The following TBC1D5 variants were observed in gnomAD, a reference collection of about 807,000 sequenced individuals.
TBC1D5 encodes the protein TBC1 domain family member 5, also known as TBC1 domain family, member 5.
A neutral mutation model predicts 100.3 loss-of-function variants in TBC1D5; 75 were observed. That is an observed-to-expected ratio of 0.75 (90% CI 0.62 to 0.91). The LOEUF (loss-of-function observed/expected upper bound fraction) is 0.91. Ranked by LOEUF, TBC1D5 falls within the 40% of genes least tolerant of loss-of-function variation. TBC1D5 has a pLI of 0.00. For synonymous variants in TBC1D5, 323 were observed against 325.6 expected (o/e 0.99, Z 0.09); for missense variants, 910 against 942.4 (o/e 0.97, Z 0.45).
chr3:17,717,901 C>G (rs911237503), intron 1 of TBC1D5, among the ~76,000 whole-genome samples: 4 of 152,112 alleles, frequency 2.6e-5, no homozygotes, highest in Non-Finnish European at 4.4e-5. Context: ...TTTTTTTATG[C>G]TGACAGCAGC....
At chr3:17,352,050 G>A (rs1360207148) in intron 13 of TBC1D5, among the ~76,000 whole-genome samples, 1 of 149,154 alleles carries the variant, frequency 6.7e-6, no homozygotes, top group Middle Eastern at 3.6e-3. Flanking sequence ...GACATACAGA[G>A]AAGCAGCCAC....
At chr3:17,344,353 T>G (rs192916463) in intron 13 of TBC1D5, among the ~76,000 whole-genome samples, 62 of 152,258 alleles carry the variant, frequency 4.1e-4, no homozygotes, top group South Asian at 3.1e-3. Context: ...GGAATCCCAC[T>G]TACAAGGGAT....
At chr3:17,368,689 TC>T (rs2092307637) in intron 13 of TBC1D5, among the ~76,000 whole-genome samples, 1 of 151,754 alleles carries the variant, frequency 6.6e-6, no homozygotes, top group Non-Finnish European at 1.5e-5. Flanking sequence ...TTTTTTATTT[TC>T]TTTTTAAATT....
intron 2 of TBC1D5, among the ~76,000 whole-genome samples, chr3:17,539,135 A>G (rs57087795): frequency 0.069 from 10,497 of 152,232 alleles, 709 homozygotes; most frequent in African/African-American, 0.18. Flanking sequence ...GCAATAAGCC[A>G]AGATCGCACC....
At chr3:17,699,661 A>T (rs2072827773) in intron 1 of TBC1D5, among the ~76,000 whole-genome samples, 1 of 100,712 alleles carries the variant, frequency 9.9e-6, no homozygotes, top group African/African-American at 3.3e-5. Context: ...TTGTTAAATA[A>T]GAAACTCAGT....
At chr3:17,279,781 A>G (rs1326779544) in intron 15 of TBC1D5, among the ~76,000 whole-genome samples, 1 of 152,172 alleles carries the variant, frequency 6.6e-6, no homozygotes, top group Non-Finnish European at 1.5e-5. Context: ...TCACAGATCT[A>G]TTTACATTAG....
chr3:17,274,002 T>G (rs2079701001), intron 15 of TBC1D5, among the ~76,000 whole-genome samples: 1 of 97,782 alleles, frequency 1.0e-5, no homozygotes, highest in South Asian at 2.9e-4. Flanking sequence ...AAAGTTTAAC[T>G]GTATTTAATT....
At chr3:17,363,655 T>C (rs1135390) in intron 13 of TBC1D5, among the ~76,000 whole-genome samples, 1 of 151,630 alleles carries the variant, frequency 6.6e-6, no homozygotes, top group Non-Finnish European at 1.5e-5. Context: ...TCAAGATATC[T>C]TCCCGCCACG....
In TBC1D5 at chr3:17,553,779, G is replaced by A. The variant is rs138695086; in HGVS notation, c.-35-45174C>T. 1.1e-4 allele frequency among the ~76,000 whole-genome samples: 16 copies of A among 152,206 alleles called. No homozygotes were observed. The East Asian group carries it at 2.3e-3, about 22-fold the overall frequency. Reference sequence around the variant, plus strand: ...ATCATGTTAACAATTCTAAAATCCCGAAAATTATGAATACCAAAACATTTA... The same window carrying A: ...ATCATGTTAACAATTCTAAAATCCCAAAAATTATGAATACCAAAACATTTA... On this transcript the variant is annotated intron_variant, in intron 2 of 21. Transcript: ENST00000253692.
chr3:17,650,327 A>G (rs1190596809), intron 1 of TBC1D5, among the ~76,000 whole-genome samples: 1 of 152,170 alleles, frequency 6.6e-6, no homozygotes, highest in Non-Finnish European at 1.5e-5. Context: ...GGTATGTCAA[A>G]GAGAAAAAAG....
chr3:17,214,221 C>G, exon 18 of TBC1D5: 1 of 1,610,964 alleles, frequency 6.2e-7, no homozygotes, highest in African/African-American at 1.3e-5. Flanking sequence ...TCTTTTCTGC[C>G]CATAGTTTTG....
At chr3:17,678,862 C>G (rs1553913161) in intron 1 of TBC1D5, among the ~76,000 whole-genome samples, 1 of 149,758 alleles carries the variant, frequency 6.7e-6, no homozygotes, top group Non-Finnish European at 1.5e-5. Context: ...AAGAACAAGC[C>G]ATATATAGCC....
rs13434129 is a variant in TBC1D5, at chr3:17,196,775, C to G, written c.1753-11567G>C. 4.6e-3 allele frequency among the ~76,000 whole-genome samples: 700 copies of G among 152,306 alleles called. 7 individuals carry two copies. The highest frequency in any genetic ancestry group is 0.016 in the African/African-American group (660 of 41,550). On this transcript the variant is annotated intron_variant, in intron 18 of 21. Transcript: ENST00000253692. Reference sequence around the variant, plus strand: ...ATGTAGAGTGTAACCTTTCTATATTCTCATTCCTCCAACTCGCCAAATCCA... The same window carrying G: ...ATGTAGAGTGTAACCTTTCTATATTGTCATTCCTCCAACTCGCCAAATCCA...
At chr3:17,404,590 CAGTT>C (rs368869049) in intron 7 of TBC1D5, 100 bp downstream of exon 7, 301 of 1,018,242 alleles carry the variant, frequency 3.0e-4, no homozygotes, top group African/African-American at 1.5e-3. Context: ...ATAAAGAAAA[CAGTT>C]AGCATGAAAT....
intron 13 of TBC1D5, among the ~76,000 whole-genome samples, chr3:17,314,935 A>G (rs74841838): frequency 0.013 from 1,976 of 152,296 alleles, 118 homozygotes; most frequent in Admixed American, 0.087. Context: ...CCCATCCCCA[A>G]AGTTTTCTGA....
chr3:17,546,293 C>T (rs541457307), intron 2 of TBC1D5, among the ~76,000 whole-genome samples: 162 of 152,116 alleles, frequency 1.1e-3, no homozygotes, highest in Non-Finnish European at 1.3e-3. Flanking sequence ...AAACTACTTA[C>T]AGGGTGCTTA....
At chr3:17,466,541 T>G (rs748440359) in intron 3 of TBC1D5, among the ~76,000 whole-genome samples, 6 of 152,192 alleles carry the variant, frequency 3.9e-5, no homozygotes. Context: ...ACTTACTTAT[T>G]TCCTCTTTTC....
At chr3:17,167,146 A>G (rs1438384767) in intron 20 of TBC1D5, among the ~76,000 whole-genome samples, 1 of 152,212 alleles carries the variant, frequency 6.6e-6, no homozygotes, top group Non-Finnish European at 1.5e-5. Flanking sequence ...AGGACATTTA[A>G]TAGCCAGGTT....
At chr3:17,217,543 G>A (rs189986518) in intron 17 of TBC1D5, among the ~76,000 whole-genome samples, 1 of 152,080 alleles carries the variant, frequency 6.6e-6, no homozygotes, top group Non-Finnish European at 1.5e-5. Flanking sequence ...CTTACTATGA[G>A]CTATCTTTTT....
Sources: gnomAD v4.1 joint callset for allele counts (sites outside exome capture counted in the v4.1 genomes callset) on GRCh38, gnomAD v4.1.1 for gene constraint, MANE v1.5 for transcripts, NCBI Gene and HGNC (gene_info 2026-07-23, HGNC 2026-07-21) for gene names.